SLC8A1: variants seen among roughly 807,000 people sequenced by gnomAD.
SLC8A1 encodes the protein solute carrier family 8 member A1.
SLC8A1 carries 18 observed loss-of-function variants against 68.3 expected under a neutral mutation model. The ratio of observed to expected loss-of-function variants is 0.26; its 90% CI spans 0.18 to 0.39. The LOEUF (loss-of-function observed/expected upper bound fraction) is 0.39. Among genes scored for constraint, SLC8A1 ranks in the 10% least tolerant of loss-of-function variants. The pLI, the probability that SLC8A1 is intolerant of heterozygous loss-of-function variation, is 1.00. For synonymous variants in SLC8A1, 475 were observed against 415.5 expected (o/e 1.14, Z -1.74); for missense variants, 985 against 1,156.7 (o/e 0.85, Z 2.15).
chr2:40,188,527 T>A (rs1403917259), intron 2 of SLC8A1, among the ~76,000 whole-genome samples: 1 of 152,260 alleles, frequency 6.6e-6, no homozygotes, highest in Non-Finnish European at 1.5e-5. Context: ...ATTTTAAACA[T>A]TCCTGGAAGG....
At chr2:40,127,993 C>G (rs2038507223) in intron 7 of SLC8A1, among the ~76,000 whole-genome samples, 1 of 152,184 alleles carries the variant, frequency 6.6e-6, no homozygotes, top group Non-Finnish European at 1.5e-5. Context: ...AAATCCTTTT[C>G]TGGAATGAAT....
intron 2 of SLC8A1, among the ~76,000 whole-genome samples, chr2:40,243,383 C>T (rs1329865518): frequency 6.6e-6 from 1 of 152,078 alleles, no homozygotes; most frequent in Non-Finnish European, 1.5e-5. Context: ...TACTTGAGAG[C>T]TGAGATGGGA....
chr2:40,492,425 T>C (rs1410864381), intron 1 of SLC8A1, among the ~76,000 whole-genome samples: 1 of 152,110 alleles, frequency 6.6e-6, no homozygotes, highest in African/African-American at 2.4e-5. Flanking sequence ...ATTCAGGACA[T>C]AGGCACGGGC....
rs571382222 is a variant in SLC8A1 at position 40,386,457 on chromosome 2, C to T, written c.1808+42016G>A. Among the ~76,000 whole-genome samples, 5 of 150,752 alleles carry T rather than the reference C, an allele frequency of 3.3e-5. No individual in the cohort carries two copies. The South Asian group carries it at 8.3e-4, about 25-fold the overall frequency. Reference sequence around the variant, plus strand: ...ATGAGGCTTTTACATTATTTAATCTCACCAAAGAATGAATGCATGAAAAAT... The same window carrying T: ...ATGAGGCTTTTACATTATTTAATCTTACCAAAGAATGAATGCATGAAAAAT... On this transcript the variant is annotated intron_variant, in intron 2 of 7. Coordinates refer to ENST00000406785, the Ensembl canonical transcript of SLC8A1.
At chr2:40,284,677 C>T (rs1236809429) in intron 2 of SLC8A1, among the ~76,000 whole-genome samples, 1 of 140,872 alleles carries the variant, frequency 7.1e-6, no homozygotes, top group Admixed American at 7.2e-5. Flanking sequence ...TATATACACA[C>T]ACACAATTTC....
chr2:40,306,265 G>T (rs1003791979), intron 2 of SLC8A1, among the ~76,000 whole-genome samples: 12 of 152,194 alleles, frequency 7.9e-5, no homozygotes, highest in African/African-American at 2.7e-4. Context: ...AAATGGCAGA[G>T]CTGAGAAAAG....
chr2:40,382,335 A>C (rs1021212745), intron 2 of SLC8A1, among the ~76,000 whole-genome samples: 1 of 152,036 alleles, frequency 6.6e-6, no homozygotes, highest in African/African-American at 2.4e-5. Context: ...GAGTACATAC[A>C]CCTAGTAGGC....
At chr2:40,377,133 G>T (rs199874363) in intron 2 of SLC8A1, among the ~76,000 whole-genome samples, 1 of 134,498 alleles carries the variant, frequency 7.4e-6, no homozygotes, top group Non-Finnish European at 1.5e-5. Flanking sequence ...ACTCAAGGAA[G>T]AGTTTATCCC....
chr2:40,427,376 C>T (rs35129449), intron 2 of SLC8A1, among the ~76,000 whole-genome samples: 12 of 151,846 alleles, frequency 7.9e-5, no homozygotes, highest in African/African-American at 2.7e-4. Context: ...TAACTATTTT[C>T]GAACTGTATT....
chr2:40,250,811 T>G (rs541058670), intron 2 of SLC8A1: 165 of 152,334 alleles, frequency 1.1e-3, no homozygotes, highest in African/African-American at 3.6e-3. Context: ...CCCAGTGTAC[T>G]TTAGCACAAT....
intron 2 of SLC8A1, among the ~76,000 whole-genome samples, chr2:40,253,037 AT>A (rs2063145748): frequency 2.5e-5 from 1 of 39,266 alleles, no homozygotes; most frequent in Non-Finnish European, 1.3e-4. Context: ...ATACATATGT[AT>A]CAGTATATGT....
At chr2:40,313,791 G>C (rs150551043) in intron 2 of SLC8A1, among the ~76,000 whole-genome samples, 46 of 152,126 alleles carry the variant, frequency 3.0e-4, no homozygotes, top group African/African-American at 9.2e-4. Flanking sequence ...AGTAAATGAT[G>C]TTGAGCATAT....
At chr2:40,117,513 C>G (rs1427672031) in intron 7 of SLC8A1, among the ~76,000 whole-genome samples, 1 of 149,674 alleles carries the variant, frequency 6.7e-6, no homozygotes, top group African/African-American at 2.5e-5. Flanking sequence ...TGCAATGACC[C>G]GTGACCATGC....
intron 2 of SLC8A1, among the ~76,000 whole-genome samples, chr2:40,307,191 A>ACACG (rs1247665831): frequency 6.6e-6 from 1 of 151,920 alleles, no homozygotes; most frequent in African/African-American, 2.4e-5. Flanking sequence ...ACACACACAC[A>ACACG]CCAATATAAC....
At chr2:40,158,305 A>G (rs2044983837) in intron 6 of SLC8A1, among the ~76,000 whole-genome samples, 1 of 152,214 alleles carries the variant, frequency 6.6e-6, no homozygotes, top group South Asian at 2.1e-4. Flanking sequence ...GTTAAATTTA[A>G]TCATAAAGAC....
upstream of SLC8A1, among the ~76,000 whole-genome samples, chr2:40,455,610 A>T (rs967389281): frequency 6.6e-6 from 1 of 152,164 alleles, no homozygotes; most frequent in Non-Finnish European, 1.5e-5. Flanking sequence ...CCATTTTTCC[A>T]TACCTAAGAA....
At chr2:40,179,946 T>C (rs908235519) in intron 2 of SLC8A1, among the ~76,000 whole-genome samples, 1 of 152,180 alleles carries the variant, frequency 6.6e-6, no homozygotes, top group Non-Finnish European at 1.5e-5. Context: ...CCCAATAACG[T>C]ACTCTCTGTT....
intron 1 of SLC8A1, among the ~76,000 whole-genome samples, chr2:40,441,669 G>A (rs901133107): frequency 6.6e-6 from 1 of 152,184 alleles, no homozygotes; most frequent in African/African-American, 2.4e-5. Context: ...AATGGGGAAA[G>A]GATTCCCTAC....
At chr2:40,382,209 C>T (rs376133737) in intron 2 of SLC8A1, among the ~76,000 whole-genome samples, 1 of 152,078 alleles carries the variant, frequency 6.6e-6, no homozygotes, top group Non-Finnish European at 1.5e-5. Flanking sequence ...AGCTTAATGA[C>T]CTGCCACAGA....
Sources: gnomAD v4.1 joint callset for allele counts (sites outside exome capture counted in the v4.1 genomes callset) on GRCh38, gnomAD v4.1.1 for gene constraint, MANE v1.5 for transcripts, NCBI Gene and HGNC (gene_info 2026-07-23, HGNC 2026-07-21) for gene names.